Variants in EML4 observed in about 807,000 individuals in gnomAD.
The protein encoded by EML4 is echinoderm microtubule-associated protein-like 4.
Under a neutral mutation model 129.0 loss-of-function variants are expected in EML4, and 72 were observed. That is an observed-to-expected ratio of 0.56 (90% CI 0.46 to 0.68). The LOEUF is 0.68. Among genes scored for constraint, EML4 ranks in the 30% least tolerant of loss-of-function variants. EML4 has a pLI of 0.00. For synonymous variants in EML4, 532 were observed against 405.0 expected (o/e 1.31, Z -3.77); for missense variants, 1,363 against 1,190.6 (o/e 1.14, Z -2.13).
intron 1 of EML4, among the ~76,000 whole-genome samples, chr2:42,238,686 T>G (rs780327077): frequency 1.3e-5 from 2 of 152,128 alleles, no homozygotes; most frequent in Admixed American, 1.3e-4. Flanking sequence ...GGTGCAGTTA[T>G]AGCTCACTGC....
chr2:42,197,160 TC>T (rs1285906250), intron 1 of EML4, among the ~76,000 whole-genome samples: 1 of 152,082 alleles, frequency 6.6e-6, no homozygotes, highest in African/African-American at 2.4e-5. Context: ...CCTCCCAGGA[TC>T]AGGTGATACC....
At position 42,236,784 on chromosome 2, in the gene EML4, G is replaced by A. The variant is rs548822715; in HGVS notation, c.26-8721G>A. 8.5e-5 allele frequency among the ~76,000 whole-genome samples: 13 copies of A among 152,068 alleles called. No homozygotes were observed. The South Asian group carries it at 1.9e-3, about 22-fold the overall frequency. Reference sequence around the variant, plus strand: ...CAGGTCACTTTCTACCAGTGATGTTGGAGAGCTTGTATCCCTCCATATCTT... The same window carrying A: ...CAGGTCACTTTCTACCAGTGATGTTAGAGAGCTTGTATCCCTCCATATCTT... On this transcript the variant is annotated intron_variant, in intron 1 of 22. Coordinates refer to ENST00000318522, the MANE Select transcript of EML4 (RefSeq NM_019063.5).
At chr2:42,174,347 A>G (rs934819039) in intron 1 of EML4, among the ~76,000 whole-genome samples, 4 of 151,974 alleles carry the variant, frequency 2.6e-5, no homozygotes, top group African/African-American at 9.7e-5. Flanking sequence ...CTGGAGTACA[A>G]TGGCACGATC....
chr2:42,200,119 C>G (rs935280881), intron 1 of EML4, among the ~76,000 whole-genome samples: 5 of 138,654 alleles, frequency 3.6e-5, no homozygotes, highest in African/African-American at 1.4e-4. Flanking sequence ...ACCATCCTGG[C>G]TAACATGGTG....
intron 2 of EML4, among the ~76,000 whole-genome samples, chr2:42,255,079 G>GC (rs760775186): frequency 8.1e-5 from 12 of 147,836 alleles, no homozygotes; most frequent in Non-Finnish European, 1.5e-5. Flanking sequence ...CGCGGTTTTT[G>GC]TTTTTTTTTT....
At chr2:42,262,337 G>C (rs1056772572) in intron 4 of EML4, among the ~76,000 whole-genome samples, 1 of 152,026 alleles carries the variant, frequency 6.6e-6, no homozygotes, top group Non-Finnish European at 1.5e-5. Flanking sequence ...TTATCTGCCT[G>C]GTCTCCTGTG....
At position 42,263,269 on chromosome 2, in the gene EML4, C is replaced by G. The variant is rs1248040322; in HGVS notation, c.604C>G (p.Pro202Ala). Residue 202 changes from proline to alanine, a missense_variant, in exon 5 of 23, where the codon CCC becomes GCC. Transcript: ENST00000318522. ...RNKLSKIPST[P>A]KLIPKVTKTA... Reference sequence around the variant, plus strand: ...TAAATTGTCGAAAATACCTTCAACACCCAAATTAATACCAAAAGTTACCAA... The same window carrying G: ...TAAATTGTCGAAAATACCTTCAACAGCCAAATTAATACCAAAAGTTACCAA... The G allele has an allele frequency of 6.2e-7, 1 of 1,612,878 alleles. No individual in the cohort carries two copies. The highest frequency in any genetic ancestry group is 8.5e-7 in the Non-Finnish European group (1 of 1,179,612).
intron 13 of EML4, among the ~76,000 whole-genome samples, chr2:42,296,563 G>A (rs938442565): frequency 5.9e-5 from 9 of 152,000 alleles, no homozygotes; most frequent in Admixed American, 3.9e-4. Context: ...ATCCCTGTTC[G>A]TGTGCTCAGA....
chr2:42,250,626 C>G (rs1042108102), intron 2 of EML4, among the ~76,000 whole-genome samples: 1 of 151,864 alleles, frequency 6.6e-6, no homozygotes, highest in African/African-American at 2.4e-5. Context: ...TTGCACAAAC[C>G]TAGATGGTAT....
intron 2 of EML4, among the ~76,000 whole-genome samples, chr2:42,246,223 G>C (rs894989572): frequency 1.4e-4 from 22 of 152,130 alleles, no homozygotes; most frequent in African/African-American, 5.3e-4. Context: ...GAGACAAACA[G>C]TCGTCAAGAC....
At chr2:42,268,328 A>T (rs1475642040) in intron 6 of EML4, among the ~76,000 whole-genome samples, 1 of 152,220 alleles carries the variant, frequency 6.6e-6, no homozygotes, top group Admixed American at 6.5e-5. Flanking sequence ...TGGAAATACT[A>T]TACCTTTTAT....
intron 1 of EML4, among the ~76,000 whole-genome samples, chr2:42,186,784 C>T (rs1161582558): frequency 1.3e-5 from 2 of 152,054 alleles, no homozygotes; most frequent in African/African-American, 4.8e-5. Context: ...TTTCAGACTT[C>T]AAAATTTTTA....
chr2:42,272,853 C>T (rs1422208569), intron 6 of EML4, among the ~76,000 whole-genome samples: 4 of 152,108 alleles, frequency 2.6e-5, no homozygotes, highest in Admixed American at 2.0e-4. Context: ...AAGAGGATGT[C>T]AAGAACATGT....
At chr2:42,225,328 C>G (rs186105932) in intron 1 of EML4, among the ~76,000 whole-genome samples, 6 of 152,086 alleles carry the variant, frequency 3.9e-5, no homozygotes, top group Non-Finnish European at 7.4e-5. Flanking sequence ...GAAATGCCCA[C>G]TGTTTTCTAT....
chr2:42,309,373 C>T (rs780833478), intron 17 of EML4, among the ~76,000 whole-genome samples: 1 of 150,690 alleles, frequency 6.6e-6, no homozygotes, highest in Non-Finnish European at 1.5e-5. Flanking sequence ...GATGGCACCA[C>T]TGCACTCCAG....
At chr2:42,231,391 C>G (rs1674335234) in intron 1 of EML4, among the ~76,000 whole-genome samples, 1 of 152,162 alleles carries the variant, frequency 6.6e-6, no homozygotes, top group African/African-American at 2.4e-5. Context: ...AGTGTAATCT[C>G]TAATTCAGGC....
intron 1 of EML4, among the ~76,000 whole-genome samples, chr2:42,174,313 C>T (rs372295487): frequency 2.0e-5 from 3 of 151,980 alleles, no homozygotes; most frequent in East Asian, 1.9e-4. Context: ...GTGTGTCTGA[C>T]GGAGTCTTGC....
intron 1 of EML4, among the ~76,000 whole-genome samples, chr2:42,208,252 C>G (rs1386338099): frequency 6.6e-6 from 1 of 152,078 alleles, no homozygotes; most frequent in African/African-American, 2.4e-5. Flanking sequence ...AATTTTCATT[C>G]TCAAACCTAC....
intron 1 of EML4, among the ~76,000 whole-genome samples, chr2:42,241,141 A>C: frequency 6.6e-6 from 1 of 151,886 alleles, no homozygotes; most frequent in Non-Finnish European, 1.5e-5. Flanking sequence ...TGGTCGACAG[A>C]GTGAGTCTCA....
Sources: gnomAD v4.1 joint callset for allele counts (sites outside exome capture counted in the v4.1 genomes callset) on GRCh38, gnomAD v4.1.1 for gene constraint, MANE v1.5 for transcripts, NCBI Gene and HGNC (gene_info 2026-07-23, HGNC 2026-07-21) for gene names.